UNC5C: variants seen among roughly 807,000 people sequenced by gnomAD.
The protein encoded by UNC5C is unc-5 netrin receptor C, also known as netrin receptor UNC5C.
UNC5C carries 47 observed loss-of-function variants against 99.8 expected under a neutral mutation model. The ratio of observed to expected loss-of-function variants is 0.47; its 90% CI spans 0.37 to 0.60. UNC5C has a LOEUF of 0.60. Among genes scored for constraint, UNC5C ranks in the 20% least tolerant of loss-of-function variants. The pLI, the probability that UNC5C is intolerant of heterozygous loss-of-function variation, is 0.00. For synonymous variants in UNC5C, 487 were observed against 452.2 expected (o/e 1.08, Z -0.98); for missense variants, 1,062 against 1,165.9 (o/e 0.91, Z 1.30).
intron 1 of UNC5C, among the ~76,000 whole-genome samples, chr4:95,394,599 G>A (rs1394996628): frequency 4.6e-5 from 7 of 151,500 alleles, no homozygotes; most frequent in African/African-American, 1.5e-4. Context: ...AGCAAGAAAG[G>A]TGACAAAATT....
intron 1 of UNC5C, among the ~76,000 whole-genome samples, chr4:95,466,758 G>T (rs1043793605): frequency 2.0e-5 from 3 of 152,104 alleles, no homozygotes; most frequent in African/African-American, 7.2e-5. Flanking sequence ...ACATTATAGT[G>T]TTATTGAAGT....
At chr4:95,222,359 A>C in intron 7 of UNC5C, 1 of 753,938 alleles carries the variant, frequency 1.3e-6, no homozygotes, top group East Asian at 3.0e-5. Flanking sequence ...TTTAATTAAA[A>C]GGAAAAGAAA....
At chr4:95,472,723 C>G (rs1416671980) in intron 1 of UNC5C, among the ~76,000 whole-genome samples, 1 of 151,966 alleles carries the variant, frequency 6.6e-6, no homozygotes, top group African/African-American at 2.4e-5. Context: ...CCAGGCATGC[C>G]AAACAGATAA....
chr4:95,487,768 A>G (rs965963884), intron 1 of UNC5C, among the ~76,000 whole-genome samples: 2 of 151,742 alleles, frequency 1.3e-5, no homozygotes, highest in Non-Finnish European at 2.9e-5. Flanking sequence ...TAGAACAGGA[A>G]GTTACTCTGG....
intron 12 of UNC5C, among the ~76,000 whole-genome samples, chr4:95,192,939 TTCTG>T (rs549256500): frequency 1.1e-4 from 17 of 152,340 alleles, no homozygotes; most frequent in African/African-American, 2.6e-4. Context: ...CCAACTACTT[TTCTG>T]TCTTTCTTTT....
At position 95,491,157 on chromosome 4, in the gene UNC5C, T is replaced by G. The variant is rs1197339029; in HGVS notation, c.124+57577A>C. On this transcript the variant is annotated intron_variant, in intron 1 of 15. Coordinates refer to ENST00000453304, the MANE Select transcript of UNC5C (RefSeq NM_003728.4). ...TTCAATGACGGGCCAAAAAAGTGGG[T>G]ATATATGAGAACTTTGCATGACACA... Among the ~76,000 whole-genome samples the G allele has an allele frequency of 8.6e-5, 13 of 151,602 alleles. No homozygotes were observed. In the East Asian group the frequency reaches 2.5e-3, roughly 30 times the overall value.
At chr4:95,358,355 T>C (rs1186733988) in intron 1 of UNC5C, among the ~76,000 whole-genome samples, 1 of 152,192 alleles carries the variant, frequency 6.6e-6, no homozygotes, top group Non-Finnish European at 1.5e-5. Context: ...AGAGAAAATG[T>C]TCATTATAAA....
chr4:95,230,609 T>G (rs1041449554), intron 7 of UNC5C, among the ~76,000 whole-genome samples: 29 of 152,146 alleles, frequency 1.9e-4, no homozygotes, highest in African/African-American at 6.8e-4. Context: ...CATCTTGAGT[T>G]AATTTTTGTA....
At chr4:95,474,258 G>A (rs533783623) in intron 1 of UNC5C, among the ~76,000 whole-genome samples, 79 of 152,004 alleles carry the variant, frequency 5.2e-4, no homozygotes, top group Non-Finnish European at 7.2e-4. Context: ...ACACACACAC[G>A]TGTGTGAGTT....
intron 1 of UNC5C, among the ~76,000 whole-genome samples, chr4:95,418,010 G>T (rs1362244549): frequency 6.6e-6 from 1 of 152,176 alleles, no homozygotes; most frequent in Non-Finnish European, 1.5e-5. Flanking sequence ...GGCAATTAAT[G>T]GTCTCAAGAA....
chr4:95,321,399 T>C (rs1415039935), intron 2 of UNC5C, among the ~76,000 whole-genome samples: 2 of 152,172 alleles, frequency 1.3e-5, no homozygotes, highest in Non-Finnish European at 1.5e-5. Flanking sequence ...ACAAAAACGT[T>C]TATACGCAGA....
chr4:95,499,840 A>G (rs1721733805), intron 1 of UNC5C, among the ~76,000 whole-genome samples: 1 of 152,104 alleles, frequency 6.6e-6, no homozygotes, highest in African/African-American at 2.4e-5. Flanking sequence ...GGAGGAAAAG[A>G]TAGATATTAA....
intron 1 of UNC5C, among the ~76,000 whole-genome samples, chr4:95,476,068 T>G (rs1748136163): frequency 6.6e-6 from 1 of 152,142 alleles, no homozygotes; most frequent in South Asian, 2.1e-4. Flanking sequence ...TTTTGTTCAC[T>G]ATGATTAATA....
At chr4:95,523,887 A>G (rs1469257823) in intron 1 of UNC5C, among the ~76,000 whole-genome samples, 1 of 152,228 alleles carries the variant, frequency 6.6e-6, no homozygotes, top group Non-Finnish European at 1.5e-5. Context: ...AAGGTTCACA[A>G]ATAATTTATT....
At chr4:95,179,746 CAAAAAAAAAAAA>C (rs33974336) in intron 14 of UNC5C, among the ~76,000 whole-genome samples, 1 of 98,528 alleles carries the variant, frequency 1.0e-5, no homozygotes, top group South Asian at 3.7e-4. Flanking sequence ...GACTCCTTCT[CAAAAAAAAAAAA>C]AAAAAAAGAA....
chr4:95,172,507 C>T (rs1736163762), intron 14 of UNC5C, among the ~76,000 whole-genome samples: 2 of 152,088 alleles, frequency 1.3e-5, no homozygotes, highest in Admixed American at 1.3e-4. Context: ...ATCATTTCCC[C>T]ATTGCTTGTT....
chr4:95,511,060 A>G (rs1050054747), intron 1 of UNC5C, among the ~76,000 whole-genome samples: 2 of 152,154 alleles, frequency 1.3e-5, no homozygotes, highest in Admixed American at 6.6e-5. Flanking sequence ...AGACAGAAAG[A>G]ATAGCTGGGA....
intron 4 of UNC5C, among the ~76,000 whole-genome samples, chr4:95,267,506 C>T (rs961238118): frequency 1.3e-5 from 2 of 152,046 alleles, no homozygotes; most frequent in Non-Finnish European, 2.9e-5. Flanking sequence ...GATGTTGCAC[C>T]TTTAGATGAT....
intron 14 of UNC5C, among the ~76,000 whole-genome samples, chr4:95,176,335 C>G (rs1736342174): frequency 6.6e-6 from 1 of 152,042 alleles, no homozygotes; most frequent in South Asian, 2.1e-4. Flanking sequence ...TTTAGAGTTT[C>G]CAGTTTTTCT....
Sources: gnomAD v4.1 joint callset for allele counts (sites outside exome capture counted in the v4.1 genomes callset) on GRCh38, gnomAD v4.1.1 for gene constraint, MANE v1.5 for transcripts, NCBI Gene and HGNC (gene_info 2026-07-23, HGNC 2026-07-21) for gene names.